CAMK1D: variants seen among roughly 807,000 people sequenced by gnomAD.
CAMK1D encodes the protein calcium/calmodulin dependent protein kinase ID.
A neutral mutation model predicts 47.7 loss-of-function variants in CAMK1D; 9 were observed. That is an observed-to-expected ratio of 0.19 (90% CI 0.11 to 0.33). CAMK1D has a LOEUF of 0.33. CAMK1D is among the 10% of genes least tolerant of loss of function. CAMK1D has a pLI of 1.00. For synonymous variants in CAMK1D, 184 were observed against 184.9 expected (o/e 0.99, Z 0.04); for missense variants, 291 against 488.7 (o/e 0.60, Z 3.81).
intron 1 of CAMK1D, among the ~76,000 whole-genome samples, chr10:12,549,263 C>T (rs191320214): frequency 6.6e-6 from 1 of 152,236 alleles, no homozygotes; most frequent in Non-Finnish European, 1.5e-5. Context: ...CTTTCTTTCT[C>T]TATGAATTTG....
At chr10:12,524,949 C>T (rs1242705157) in intron 1 of CAMK1D, among the ~76,000 whole-genome samples, 1 of 151,760 alleles carries the variant, frequency 6.6e-6, no homozygotes. Context: ...CTCTTTTTTC[C>T]TTCACTGAGA....
intron 1 of CAMK1D, among the ~76,000 whole-genome samples, chr10:12,382,422 A>G (rs1838371271): frequency 2.0e-5 from 3 of 152,096 alleles, no homozygotes; most frequent in South Asian, 2.1e-4. Context: ...GGTAACTTAC[A>G]TAGGATCTTT....
chr10:12,393,838 A>G (rs560684857), intron 1 of CAMK1D, among the ~76,000 whole-genome samples: 1 of 152,334 alleles, frequency 6.6e-6, no homozygotes, highest in South Asian at 2.1e-4. Flanking sequence ...GTGAAGGAAA[A>G]TGGCAGCTTA....
At chr10:12,523,485 G>A (rs1380681343) in intron 1 of CAMK1D, among the ~76,000 whole-genome samples, 3 of 152,170 alleles carry the variant, frequency 2.0e-5, no homozygotes, top group African/African-American at 7.2e-5. Flanking sequence ...GACTCCGTCT[G>A]CAATCCCGGC....
At chr10:12,697,698 C>T (rs559764626) in intron 3 of CAMK1D, among the ~76,000 whole-genome samples, 2 of 152,314 alleles carry the variant, frequency 1.3e-5, no homozygotes, top group African/African-American at 4.8e-5. Flanking sequence ...TCCACCCAGC[C>T]AAATGCAAAG....
chr10:12,378,060 A>G (rs1838233467), intron 1 of CAMK1D, among the ~76,000 whole-genome samples: 1 of 152,210 alleles, frequency 6.6e-6, no homozygotes, highest in Non-Finnish European at 1.5e-5. Context: ...AGGCCACTTC[A>G]CAGGCTGTGA....
intron 2 of CAMK1D, among the ~76,000 whole-genome samples, chr10:12,644,324 A>C (rs191756803): frequency 6.6e-6 from 1 of 152,360 alleles, no homozygotes; most frequent in East Asian, 1.9e-4. Flanking sequence ...TGAGTCAAAA[A>C]AATAAATACA....
intron 6 of CAMK1D, among the ~76,000 whole-genome samples, chr10:12,812,372 T>A (rs1056197088): frequency 6.6e-6 from 1 of 152,152 alleles, no homozygotes. Context: ...TCCCAGCACT[T>A]TGGGAGGCCG....
rs1838582367 is a variant in CAMK1D, at chr10:12,803,646, C to T, written c.642-10549C>T. ...CTCCAGCCTGGGTAACAGAGGGAGA[C>T]TCCATCTCAAAAATAATAATAATAA... is the stretch of plus-strand genomic sequence containing the variant. On this transcript the variant is annotated intron_variant, in intron 6 of 10. Coordinates refer to ENST00000619168, the MANE Select transcript of CAMK1D (RefSeq NM_153498.4). 2.0e-5 allele frequency among the ~76,000 whole-genome samples: 3 copies of T among 151,948 alleles called. 1 individual carries two copies. Among genetic ancestry groups the T allele is most frequent in the South Asian group, 4.2e-4 (2 of 4,816 alleles).
chr10:12,733,291 T>A (rs1172622264), intron 3 of CAMK1D, among the ~76,000 whole-genome samples: 10 of 152,236 alleles, frequency 6.6e-5, no homozygotes, highest in Admixed American at 3.3e-4. Context: ...AGAAGACATC[T>A]TCCTTAGTAG....
chr10:12,443,641 T>A (rs1024917366), intron 1 of CAMK1D, among the ~76,000 whole-genome samples: 9 of 152,070 alleles, frequency 5.9e-5, no homozygotes, highest in African/African-American at 1.9e-4. Flanking sequence ...TTTTTTTTTT[T>A]ATTTTTGAGA....
intron 3 of CAMK1D, among the ~76,000 whole-genome samples, chr10:12,737,767 G>A (rs1209893007): frequency 2.0e-5 from 3 of 152,148 alleles, no homozygotes; most frequent in Non-Finnish European, 4.4e-5. Context: ...AAGGGGACGT[G>A]AGCTACAAGA....
intron 1 of CAMK1D, among the ~76,000 whole-genome samples, chr10:12,552,811 G>A (rs1389128850): frequency 6.6e-6 from 1 of 152,060 alleles, no homozygotes; most frequent in South Asian, 2.1e-4. Flanking sequence ...ACACGATCTC[G>A]GCTCACTGCA....
rs1016084343 is a variant in CAMK1D, at chr10:12,559,299, G to C, written c.224+5943G>C. Among the ~76,000 whole-genome samples, 29 of 151,930 alleles carry C rather than the reference G, an allele frequency of 1.9e-4. 1 individual carries two copies. Among genetic ancestry groups the C allele is most frequent in the African/African-American group, 7.0e-4 (29 of 41,322 alleles). ...ACCATCTCTAAAAAAATAAATAAAA[G>C]GAAAAAACAAAAATATTATGCTGAT... On this transcript the variant is annotated intron_variant, in intron 2 of 10. Transcript: ENST00000619168.
intron 2 of CAMK1D, among the ~76,000 whole-genome samples, chr10:12,605,836 A>G (rs1328347635): frequency 1.3e-5 from 2 of 152,010 alleles, no homozygotes; most frequent in African/African-American, 4.8e-5. Flanking sequence ...TTATTGAGAA[A>G]CCAAAAGTAA....
intron 2 of CAMK1D, among the ~76,000 whole-genome samples, chr10:12,564,895 T>C (rs190741223): frequency 9.3e-4 from 142 of 152,306 alleles, no homozygotes; most frequent in Middle Eastern, 3.4e-3. Context: ...TAAATAAATA[T>C]GCATATACAC....
intron 1 of CAMK1D, among the ~76,000 whole-genome samples, chr10:12,464,439 G>A (rs746382175): frequency 4.6e-5 from 7 of 152,122 alleles, no homozygotes; most frequent in South Asian, 2.1e-4. Flanking sequence ...CCATTTGATC[G>A]TGTGGCTTTA....
intron 2 of CAMK1D, among the ~76,000 whole-genome samples, chr10:12,585,084 A>C (rs1431908163): frequency 6.6e-6 from 1 of 152,216 alleles, no homozygotes; most frequent in East Asian, 1.9e-4. Context: ...TGTTCAGATC[A>C]AACATGTTGC....
intron 6 of CAMK1D, among the ~76,000 whole-genome samples, chr10:12,802,670 G>A (rs903246078): frequency 2.0e-5 from 3 of 152,124 alleles, no homozygotes; most frequent in African/African-American, 4.8e-5. Flanking sequence ...ACAGCTGTGT[G>A]CCACCACGCC....
Sources: gnomAD v4.1 joint callset for allele counts (sites outside exome capture counted in the v4.1 genomes callset) on GRCh38, gnomAD v4.1.1 for gene constraint, MANE v1.5 for transcripts, NCBI Gene and HGNC (gene_info 2026-07-23, HGNC 2026-07-21) for gene names.